SEMA5B: variants seen among roughly 807,000 people sequenced by gnomAD.
SEMA5B encodes semaphorin 5B.
SEMA5B carries 66 observed loss-of-function variants against 135.0 expected under a neutral mutation model. That is an observed-to-expected ratio of 0.49 (90% CI 0.40 to 0.60). SEMA5B has a LOEUF of 0.60. SEMA5B is among the 20% of genes least tolerant of loss of function. SEMA5B has a pLI of 0.00. For missense variants in SEMA5B, 1,501 were observed against 1,566.3 expected (o/e 0.96, Z 0.70); for synonymous variants, 690 against 639.5 (o/e 1.08, Z -1.19).
chr3:122,921,849 A>C lies in SEMA5B; in HGVS notation c.1688+66T>G, dbSNP rs976825054. ...GACCGACCCCAGGTCTCCCGGGTCC[A>C]AAGCCCCGCCTCTTAAGCGCCTCCT... On this transcript the variant is annotated intron_variant, in intron 12 of 22. Transcript: ENST00000357599. The C allele has an allele frequency of 4.3e-6, 6 of 1,404,932 alleles. No individual in the cohort carries two copies. The African/African-American group carries it at 7.3e-5, about 17-fold the overall frequency. The allele number at this position is 1,404,932 out of a possible 1,614,324, so 87.0% of individuals were successfully genotyped here.
At chr3:122,910,333 G>C in intron 22 of SEMA5B, 32 bp from the exon 23 acceptor site, 1 of 1,610,792 alleles carries the variant, frequency 6.2e-7, no homozygotes. Flanking sequence ...AGAGAAAGGG[G>C]TGAGGGAACA....
At chr3:122,954,058 T>C (rs1226388086) in intron 2 of SEMA5B, among the ~76,000 whole-genome samples, 1 of 152,240 alleles carries the variant, frequency 6.6e-6, no homozygotes, top group Non-Finnish European at 1.5e-5. Context: ...TTCTGTTTTT[T>C]GTTTGTTTGT....
intron 3 of SEMA5B, 151 bp downstream of exon 3, chr3:122,948,355 G>T: frequency 1.8e-6 from 1 of 556,128 alleles, no homozygotes; most frequent in Non-Finnish European, 3.0e-6. Flanking sequence ...TCCAGCACCA[G>T]AGGAAGAGTC....
At chr3:123,008,560 G>A (rs1323144964) in intron 1 of SEMA5B, among the ~76,000 whole-genome samples, 1 of 152,144 alleles carries the variant, frequency 6.6e-6, no homozygotes, top group African/African-American at 2.4e-5. Flanking sequence ...AGAGAGTGAG[G>A]ACGAGGTGTG....
chr3:122,982,923 G>A (rs1377527327), intron 1 of SEMA5B, among the ~76,000 whole-genome samples: 1 of 152,220 alleles, frequency 6.6e-6, no homozygotes, highest in Non-Finnish European at 1.5e-5. Flanking sequence ...CCACCAGCTG[G>A]TCATTCTCTC....
chr3:123,008,458 G>T (rs1378283264), intron 1 of SEMA5B, among the ~76,000 whole-genome samples: 1 of 152,158 alleles, frequency 6.6e-6, no homozygotes, highest in Non-Finnish European at 1.5e-5. Context: ...TCAGGGCCCA[G>T]GAGAAGGGGC....
intron 1 of SEMA5B, among the ~76,000 whole-genome samples, chr3:122,966,190 C>T (rs756457539): frequency 6.6e-6 from 1 of 152,196 alleles, no homozygotes; most frequent in Non-Finnish European, 1.5e-5. Flanking sequence ...CCATTTGCTC[C>T]AAATATGGCT....
intron 1 of SEMA5B, among the ~76,000 whole-genome samples, chr3:123,026,151 G>A (rs530638403): frequency 6.6e-6 from 1 of 152,276 alleles, no homozygotes; most frequent in South Asian, 2.1e-4. Flanking sequence ...GATTCACTAG[G>A]GGCTGAAGGA....
chr3:122,913,576 A>G lies in SEMA5B; in HGVS notation c.2238T>C (p.Arg746=). The change falls in exon 16 of 23, where the codon CGT becomes CGC. Residue 746 remains arginine, a synonymous_variant. Transcript: ENST00000357599. ...SNCGGGMQSR[R]RACENGNSCL... is the part of the protein sequence containing the mutation. ...AGGAGTTGCCGTTCTCGCAGGCCCG[A>G]CGCCGCGACTGCATGCCCCCTCCAC... The G allele has an allele frequency of 6.2e-7, 1 of 1,612,942 alleles. No homozygotes were observed. The highest frequency in any genetic ancestry group is 8.5e-7 in the Non-Finnish European group (1 of 1,179,872).
chr3:122,985,809 C>T (rs1560411865), intron 1 of SEMA5B, among the ~76,000 whole-genome samples: 1 of 152,212 alleles, frequency 6.6e-6, no homozygotes, highest in Non-Finnish European at 1.5e-5. Flanking sequence ...CCCCTTCCGT[C>T]TTCTACTACA....
chr3:123,014,631 G>A (rs906927457), intron 1 of SEMA5B, among the ~76,000 whole-genome samples: 1 of 152,214 alleles, frequency 6.6e-6, no homozygotes, highest in Non-Finnish European at 1.5e-5. Context: ...CAACCTCTTA[G>A]CAAATCCTTG....
chr3:123,010,541 T>G (rs1942415101), intron 1 of SEMA5B, among the ~76,000 whole-genome samples: 1 of 152,158 alleles, frequency 6.6e-6, no homozygotes, highest in Admixed American at 6.5e-5. Flanking sequence ...CTGGACGCAG[T>G]GCCTCACACC....
intron 1 of SEMA5B, among the ~76,000 whole-genome samples, chr3:122,962,310 C>T (rs568174664): frequency 6.6e-6 from 1 of 152,324 alleles, no homozygotes; most frequent in African/African-American, 2.4e-5. Context: ...GGAGTAGCAG[C>T]CAGCAAATGG....
chr3:122,988,220 C>T (rs969970754), intron 1 of SEMA5B, among the ~76,000 whole-genome samples: 1 of 152,154 alleles, frequency 6.6e-6, no homozygotes, highest in Non-Finnish European at 1.5e-5. Flanking sequence ...CTAGAAAACC[C>T]CTCCTTTTGT....
chr3:123,025,031 G>T (rs933372153), intron 1 of SEMA5B, among the ~76,000 whole-genome samples: 12 of 152,164 alleles, frequency 7.9e-5, no homozygotes, highest in Admixed American at 1.3e-4. Flanking sequence ...GACCACTGTA[G>T]GGTCTTTCAA....
intron 1 of SEMA5B, among the ~76,000 whole-genome samples, chr3:122,986,839 C>T (rs773101867): frequency 1.3e-5 from 2 of 152,202 alleles, no homozygotes; most frequent in African/African-American, 2.4e-5. Context: ...AATTCTTTCC[C>T]AAACTTTGCT....
At chr3:122,921,397 A>G (rs1329589591) in intron 12 of SEMA5B, among the ~76,000 whole-genome samples, 3 of 151,990 alleles carry the variant, frequency 2.0e-5, no homozygotes, top group African/African-American at 7.3e-5. Flanking sequence ...AGCCAGGGCA[A>G]CTCCTCCACG....
chr3:122,945,660 C>T (rs988582518), intron 3 of SEMA5B, among the ~76,000 whole-genome samples: 1 of 152,142 alleles, frequency 6.6e-6, no homozygotes, highest in African/African-American at 2.4e-5. Context: ...CCTTCCCTTT[C>T]AACAAGGGCA....
chr3:122,990,230 G>A (rs1224503625), intron 1 of SEMA5B, among the ~76,000 whole-genome samples: 3 of 152,180 alleles, frequency 2.0e-5, no homozygotes, highest in Admixed American at 1.3e-4. Flanking sequence ...TCTGCTGAGG[G>A]GGAGGTGGGG....
Sources: gnomAD v4.1 joint callset for allele counts (sites outside exome capture counted in the v4.1 genomes callset) on GRCh38, gnomAD v4.1.1 for gene constraint, MANE v1.5 for transcripts, NCBI Gene and HGNC (gene_info 2026-07-23, HGNC 2026-07-21) for gene names.